The following NSMAF variants were observed in gnomAD, a reference collection of about 807,000 sequenced individuals.
The protein encoded by NSMAF is neutral sphingomyelinase activation associated factor.
NSMAF carries 90 observed loss-of-function variants against 134.9 expected under a neutral mutation model. The observed-to-expected ratio is 0.67, with a 90% CI of 0.56 to 0.79. NSMAF has a LOEUF of 0.79. Among genes scored for constraint, NSMAF ranks in the 30% least tolerant of loss-of-function variants. NSMAF has a pLI of 0.00. For missense variants in NSMAF, 1,010 were observed against 1,119.0 expected, an observed-to-expected ratio of 0.90 and a Z score of 1.39; for synonymous variants, 358 against 389.6, an observed-to-expected ratio of 0.92 and a Z score of 0.96.
intron 1 of NSMAF, among the ~76,000 whole-genome samples, chr8:58,657,669 G>A (rs1217845201): frequency 6.6e-6 from 1 of 152,202 alleles, no homozygotes; most frequent in Non-Finnish European, 1.5e-5. Flanking sequence ...GCATTGAATG[G>A]AGTATGCCCA....
intron 6 of NSMAF, among the ~76,000 whole-genome samples, chr8:58,625,374 G>A (rs1232540216): frequency 5.8e-5 from 6 of 103,662 alleles, no homozygotes; most frequent in African/African-American, 1.8e-4. Flanking sequence ...GGGTGTATAT[G>A]TCTGTATATA....
Position 58,585,709 on chromosome 8 carries a change from G to T in NSMAF, c.2602C>A (p.Leu868Met), listed in dbSNP as rs775660038. 20 of 1,614,176 alleles carry T rather than the reference G, an allele frequency of 1.2e-5. No individual in the cohort carries two copies. The highest frequency in any genetic ancestry group is 1.7e-5 in the Non-Finnish European group (20 of 1,180,016). ...SVLSGSQSGE[L>M]LVWDLLGAKI... ...GCTCCAAGGAGGTCCCAAACGAGCA[G>T]TTCACCAGACTGACTGCCAGATAAA... Residue 868 changes from leucine to methionine, a missense_variant, in exon 30 of 31, where the codon CTG becomes ATG. Transcript: ENST00000038176.
Position 58,623,268 on chromosome 8 carries a change from G to C in NSMAF, c.509C>G (p.Thr170Arg). ...DKLGDQTAMI[T>R]AILQSRLART... ...AGCTAAACGAGACTGCAAAATAGCT[G>C]TTATCTATTAAAACAGAACCAGAAA... Residue 170 changes from threonine (T) to arginine (R), a missense_variant, in exon 9 of 31, where the codon ACA becomes AGA. Coordinates refer to ENST00000038176, the MANE Select transcript of NSMAF (RefSeq NM_003580.4). 4 of 1,608,626 alleles carry C rather than the reference G, an allele frequency of 2.5e-6. No homozygotes were observed. In the African/African-American group the frequency reaches 5.4e-5, roughly 22 times the overall value.
At chr8:58,637,990 G>GA (rs1354699569) in intron 2 of NSMAF, among the ~76,000 whole-genome samples, 2 of 152,044 alleles carry the variant, frequency 1.3e-5, no homozygotes, top group Non-Finnish European at 2.9e-5. Flanking sequence ...AACAGAAACA[G>GA]AAAAAAAGAA....
At chr8:58,653,818 A>T (rs1192091384) in intron 1 of NSMAF, among the ~76,000 whole-genome samples, 3 of 152,204 alleles carry the variant, frequency 2.0e-5, no homozygotes, top group Non-Finnish European at 4.4e-5. Context: ...ACACTAAAAA[A>T]ATTTTTAATG....
intron 9 of NSMAF, among the ~76,000 whole-genome samples, chr8:58,622,044 G>A (rs960280235): frequency 1.3e-5 from 2 of 151,946 alleles, no homozygotes; most frequent in African/African-American, 2.4e-5. Flanking sequence ...ATCTTTGCTG[G>A]GGCCTATGTC....
chr8:58,610,542 C>A (rs1045334147), intron 9 of NSMAF, among the ~76,000 whole-genome samples: 4 of 152,160 alleles, frequency 2.6e-5, no homozygotes, highest in Admixed American at 1.3e-4. Context: ...ATCTTCATAG[C>A]TTTTTAAAAC....
chr8:58,601,579 A>G (rs1413025131), intron 14 of NSMAF, 44 bp from the exon 15 acceptor site: 1 of 1,556,296 alleles, frequency 6.4e-7, no homozygotes, highest in Non-Finnish European at 8.6e-7. Context: ...AGTGTTGGCT[A>G]TGAAATAATA....
At chr8:58,603,087 T>A in intron 13 of NSMAF, 123 bp downstream of exon 13, 1 of 933,596 alleles carries the variant, frequency 1.1e-6, no homozygotes, top group South Asian at 1.6e-5. Flanking sequence ...ACAACTGAAA[T>A]GAGTTGTAAT....
At chr8:58,597,281 A>G in intron 21 of NSMAF, 106 bp downstream of exon 21, 1 of 991,090 alleles carries the variant, frequency 1.0e-6, no homozygotes, top group Non-Finnish European at 1.5e-6. Context: ...GAACACAATC[A>G]TCTCTAAGTA....
rs1554576320 is a variant in NSMAF, at chr8:58,625,394, A to ATATGTATGTATGTATGTATGTATG, written c.385-1615_385-1614insCATACATACATACATACATACATA. On this transcript the variant is annotated intron_variant, in intron 6 of 30. Transcript: ENST00000038176. ...TATATGTCTGTATATATGTATATGC[A>ATATGTATGTATGTATGTATGTATG]TATGTATGTATGTATGTATGTATAT... 4.0e-3 allele frequency among the ~76,000 whole-genome samples: 605 copies of ATATGTATGTATGTATGTATGTATG among 151,650 alleles called. 3 individuals carry two copies. The highest frequency in any genetic ancestry group is 0.014 in the African/African-American group (565 of 41,290).
chr8:58,615,560 TTAAACATACTTC>T (rs1806637077), intron 9 of NSMAF, among the ~76,000 whole-genome samples: 1 of 152,198 alleles, frequency 6.6e-6, no homozygotes, highest in Admixed American at 6.5e-5. Flanking sequence ...TATGTGGAAG[TTAAACATACTTC>T]TAAATTACCT....
Position 58,635,451 on chromosome 8 carries a change from AT to A in NSMAF, c.228+16del. 1.3e-6 allele frequency: 2 copies of A among 1,582,888 alleles called. No individual in the cohort carries two copies. Among genetic ancestry groups the A allele is most frequent in the Non-Finnish European group, 1.7e-6 (2 of 1,162,736 alleles). On this transcript the variant is annotated intron_variant, in intron 3 of 30. Transcript: ENST00000038176. ...AAAAAATAGGAATGTTTCTGTTCAT[AT>A]TTAAAATGTATTTACCTTGATGATG...
chr8:58,610,891 T>A (rs1314364180), intron 9 of NSMAF, among the ~76,000 whole-genome samples: 1 of 152,176 alleles, frequency 6.6e-6, no homozygotes, highest in Non-Finnish European at 1.5e-5. Flanking sequence ...AAAGTCTTTA[T>A]CACTCCCTCA....
chr8:58,610,280 C>T (rs1031800392), intron 9 of NSMAF, among the ~76,000 whole-genome samples: 1 of 152,140 alleles, frequency 6.6e-6, no homozygotes, highest in Non-Finnish European at 1.5e-5. Flanking sequence ...CTACTCACTC[C>T]TAAAATATTT....
At chr8:58,599,455 G>A in intron 18 of NSMAF, 92 bp from the exon 19 acceptor site, 2 of 1,362,652 alleles carry the variant, frequency 1.5e-6, no homozygotes, top group Middle Eastern at 1.9e-4. Flanking sequence ...AAGCTTCTAG[G>A]ACAGGCAAGA....
At chr8:58,645,324 T>C (rs1219074261) in intron 1 of NSMAF, among the ~76,000 whole-genome samples, 2 of 152,074 alleles carry the variant, frequency 1.3e-5, no homozygotes, top group Non-Finnish European at 2.9e-5. Flanking sequence ...GAGAGCAGGA[T>C]TGTAGTGTGA....
chr8:58,598,775 C>T (rs896217295), intron 19 of NSMAF, among the ~76,000 whole-genome samples: 1 of 152,152 alleles, frequency 6.6e-6, no homozygotes. Context: ...GTAATCCCAG[C>T]ACTTTGGGAG....
In NSMAF at chr8:58,643,025, A is replaced by G. The variant is rs368393217; in HGVS notation, c.108T>C (p.His36=). 75 of 1,614,010 alleles carry G rather than the reference A, an allele frequency of 4.6e-5. No individual in the cohort carries two copies. Among genetic ancestry groups the G allele is most frequent in the Non-Finnish European group, 6.3e-5 (74 of 1,180,018 alleles). Residue 36 remains histidine, a synonymous_variant, in exon 2 of 31, where the codon CAT becomes CAC. Transcript: ENST00000038176. ...LNLEEYYFEQ[H]RANHILHKGS... ...CCTTGTGCAAAATGTGATTGGCTCT[A>G]TGCTGTTCAAAGTAGTACTCCTCCA...
Sources: allele counts gnomAD v4.1 joint callset (sites outside exome capture counted in the v4.1 genomes callset), GRCh38; gene constraint gnomAD v4.1.1; transcripts MANE v1.5; gene names NCBI Gene and HGNC (gene_info 2026-07-23, HGNC 2026-07-21).